The following GPC5 variants were observed in gnomAD, a reference collection of about 807,000 sequenced individuals.
GPC5 encodes the protein glypican 5.
A neutral mutation model predicts 53.9 loss-of-function variants in GPC5; 47 were observed. The observed-to-expected ratio is 0.87, with a 90% CI of 0.69 to 1.11. GPC5 has a LOEUF of 1.11. GPC5 is among the 50% of genes most tolerant of loss of function. The pLI is 0.00. For synonymous variants in GPC5, 286 were observed against 263.3 expected (o/e 1.09, Z -0.84); for missense variants, 748 against 713.1 (o/e 1.05, Z -0.56).
At chr13:92,316,361 T>C (rs1422360247) in intron 7 of GPC5, among the ~76,000 whole-genome samples, 1 of 152,180 alleles carries the variant, frequency 6.6e-6, no homozygotes, top group Non-Finnish European at 1.5e-5. Flanking sequence ...ATGACAAATA[T>C]ACAGATAATT....
At chr13:91,487,966 T>C (rs1037773898) in intron 2 of GPC5, among the ~76,000 whole-genome samples, 1 of 151,200 alleles carries the variant, frequency 6.6e-6, no homozygotes, top group African/African-American at 2.4e-5. Context: ...ACAATATGAC[T>C]AAGGAGATAG....
intron 7 of GPC5, among the ~76,000 whole-genome samples, chr13:92,400,730 G>A (rs1566574896): frequency 6.6e-6 from 1 of 152,088 alleles, no homozygotes. Context: ...TTTTGATTCT[G>A]CTAGTAAGGG....
At chr13:91,976,217 A>G (rs1236871898) in intron 6 of GPC5, among the ~76,000 whole-genome samples, 2 of 152,210 alleles carry the variant, frequency 1.3e-5, no homozygotes, top group East Asian at 3.9e-4. Flanking sequence ...CAACATGTAT[A>G]CATATGTAAC....
At chr13:91,948,247 A>AT (rs2039993571) in intron 6 of GPC5, among the ~76,000 whole-genome samples, 1 of 145,992 alleles carries the variant, frequency 6.8e-6, no homozygotes, top group African/African-American at 2.6e-5. Context: ...AAAAAAATAA[A>AT]TAATAATAAT....
At chr13:91,988,496 G>A (rs1204442250) in intron 6 of GPC5, among the ~76,000 whole-genome samples, 2 of 152,106 alleles carry the variant, frequency 1.3e-5, no homozygotes, top group African/African-American at 4.8e-5. Context: ...GTATCCAGAT[G>A]AGCTGATCTC....
At chr13:92,246,869 G>A (rs2042654930) in intron 7 of GPC5, among the ~76,000 whole-genome samples, 2 of 152,106 alleles carry the variant, frequency 1.3e-5, no homozygotes, top group South Asian at 4.1e-4. Flanking sequence ...AAGAGATTGA[G>A]TACACTAACT....
At chr13:92,799,132 C>G (rs999486602) in intron 7 of GPC5, among the ~76,000 whole-genome samples, 7 of 151,566 alleles carry the variant, frequency 4.6e-5, no homozygotes, top group Non-Finnish European at 5.9e-5. Flanking sequence ...TACCCCTCTC[C>G]TGTGGTAAAT....
intron 7 of GPC5, among the ~76,000 whole-genome samples, chr13:92,797,050 T>C (rs1006273119): frequency 1.3e-5 from 2 of 151,938 alleles, no homozygotes; most frequent in African/African-American, 4.8e-5. Context: ...AATACCACAG[T>C]AGAGCTAACC....
intron 6 of GPC5, among the ~76,000 whole-genome samples, chr13:91,982,013 A>G (rs939313056): frequency 6.6e-6 from 1 of 152,210 alleles, no homozygotes; most frequent in Non-Finnish European, 1.5e-5. Flanking sequence ...CTGTTTATGA[A>G]GGTTCCTCGC....
At chr13:91,766,785 G>A (rs1462522059) in intron 5 of GPC5, among the ~76,000 whole-genome samples, 11 of 152,132 alleles carry the variant, frequency 7.2e-5, no homozygotes, top group Admixed American at 6.5e-4. Context: ...GCTTGAACCC[G>A]GGAGGTGGAG....
chr13:92,048,183 C>G (rs1378392160), intron 6 of GPC5, among the ~76,000 whole-genome samples: 3 of 151,984 alleles, frequency 2.0e-5, no homozygotes, highest in Admixed American at 1.3e-4. Context: ...TAAAACTCAT[C>G]TGACAGATTT....
chr13:92,343,637 G>A (rs1385429194), intron 7 of GPC5, among the ~76,000 whole-genome samples: 1 of 151,878 alleles, frequency 6.6e-6, no homozygotes, highest in Non-Finnish European at 1.5e-5. Context: ...AGTGGACAGA[G>A]CTTAGCATAA....
chr13:92,825,591 C>T (rs1180845996), intron 7 of GPC5, among the ~76,000 whole-genome samples: 1 of 152,048 alleles, frequency 6.6e-6, no homozygotes, highest in Non-Finnish European at 1.5e-5. Flanking sequence ...GTATCAACTA[C>T]AGCCTTAATA....
At chr13:91,816,549 G>A (rs894873957) in intron 5 of GPC5, among the ~76,000 whole-genome samples, 1 of 152,122 alleles carries the variant, frequency 6.6e-6, no homozygotes, top group African/African-American at 2.4e-5. Flanking sequence ...TCATTTATGT[G>A]ATTTCATCCC....
chr13:92,287,138 TAA>T (rs2139178126), intron 7 of GPC5, among the ~76,000 whole-genome samples: 1 of 152,314 alleles, frequency 6.6e-6, no homozygotes, highest in South Asian at 2.1e-4. Context: ...ATTAACTGTT[TAA>T]GTGTGTTTTC....
intron 6 of GPC5, among the ~76,000 whole-genome samples, chr13:92,059,183 A>C (rs1455780910): frequency 6.6e-6 from 1 of 152,186 alleles, no homozygotes; most frequent in Non-Finnish European, 1.5e-5. Context: ...GAATATGTTC[A>C]TATCTATATC....
intron 7 of GPC5, among the ~76,000 whole-genome samples, chr13:92,311,513 T>G (rs1469244365): frequency 6.6e-6 from 1 of 152,220 alleles, no homozygotes; most frequent in Non-Finnish European, 1.5e-5. Context: ...TACCCAAGAC[T>G]GGGTAATTTA....
intron 2 of GPC5, among the ~76,000 whole-genome samples, chr13:91,563,021 A>G (rs2031354081): frequency 6.6e-6 from 1 of 152,218 alleles, no homozygotes; most frequent in East Asian, 1.9e-4. Context: ...TTAAACTATC[A>G]TTTACTATCC....
At chr13:92,141,583 A>G (rs1286969090) in intron 6 of GPC5, among the ~76,000 whole-genome samples, 1 of 152,122 alleles carries the variant, frequency 6.6e-6, no homozygotes, top group East Asian at 1.9e-4. Context: ...GGCCCATTTG[A>G]GGGTTAGAGA....
Sources: allele counts gnomAD v4.1 joint callset (sites outside exome capture counted in the v4.1 genomes callset), GRCh38; gene constraint gnomAD v4.1.1; transcripts MANE v1.5; gene names NCBI Gene and HGNC (gene_info 2026-07-23, HGNC 2026-07-21).